OLFM2: variants seen among roughly 807,000 people sequenced by gnomAD.
OLFM2 encodes the protein noelin-2.
A neutral mutation model predicts 43.9 loss-of-function variants in OLFM2; 20 were observed. The ratio of observed to expected loss-of-function variants is 0.46; its 90% CI spans 0.32 to 0.66. OLFM2 has a LOEUF of 0.66. Ranked by LOEUF, OLFM2 falls within the 30% of genes least tolerant of loss-of-function variation. OLFM2 has a pLI of 0.04. For missense variants in OLFM2, 416 were observed against 643.6 expected (o/e 0.65, Z 3.83); for synonymous variants, 268 against 278.6 (o/e 0.96, Z 0.38).
Position 9,854,007 on chromosome 19 carries a change from G to A in OLFM2, c.*179C>T, listed in dbSNP as rs992046009. On this transcript the variant is annotated 3_prime_UTR_variant, in exon 6 of 6. Coordinates refer to ENST00000264833, the MANE Select transcript of OLFM2 (RefSeq NM_058164.4). This position sits in a 1 kb window ranked among gnomAD's most constrained non-coding sequence, Gnocchi z 9.5. ...AAAAGCAGAGATCAATAAAGGAGAA[G>A]AGGGGAAATTGAAAAAATAGACAGA... 1.6e-6 allele frequency: 1 copy of A among 609,086 alleles called. No individual in the cohort carries two copies. Among genetic ancestry groups the A allele is most frequent in the Non-Finnish European group, 2.9e-6 (1 of 344,676 alleles). The allele number at this position is 609,086 out of a possible 1,614,324, so 37.7% of individuals were successfully genotyped here.
chr19:9,905,414 G>A (rs902414060), intron 1 of OLFM2, among the ~76,000 whole-genome samples: 3 of 151,878 alleles, frequency 2.0e-5, no homozygotes, highest in East Asian at 1.9e-4. Flanking sequence ...CCGAGATTGC[G>A]CCACTGCATT....
chr19:9,889,389 C>T (rs1056247562), intron 1 of OLFM2, among the ~76,000 whole-genome samples: 4 of 152,118 alleles, frequency 2.6e-5, no homozygotes, highest in Non-Finnish European at 5.9e-5. Context: ...GCTGGGACTA[C>T]AGGTGCATGC....
chr19:9,862,660 G>A (rs2046372649), intron 1 of OLFM2, among the ~76,000 whole-genome samples: 1 of 151,382 alleles, frequency 6.6e-6, no homozygotes, highest in Admixed American at 6.6e-5. Context: ...CAGCCTGGGT[G>A]ACAGAGTGAG....
chr19:9,933,907 G>C (rs1449419521), intron 1 of OLFM2, among the ~76,000 whole-genome samples: 1 of 152,134 alleles, frequency 6.6e-6, no homozygotes, highest in African/African-American at 2.4e-5. Context: ...TACTTGCATT[G>C]TATTATATGT....
In OLFM2 at chr19:9,936,342, G is replaced by A. The variant is rs996665466; in HGVS notation, c.25C>T (p.Pro9Ser). The change falls in exon 1 of 6, where the codon CCG becomes TCG. Residue 9 changes from proline (P) to serine (S), a missense_variant. By Grantham distance (74) the Pro-to-Ser change is moderately conservative. Coordinates refer to ENST00000264833, the MANE Select transcript of OLFM2 (RefSeq NM_058164.4). The part of the protein sequence containing the change: MWPLTVPP[P>S]LLLLLCSGLA... ...CCTGAGCACAGCAGCAGCAGCAGCG[G>A]CGGCGGGACCGTGAGCGGCCACATG... 6.6e-6 allele frequency: 10 copies of A among 1,504,854 alleles called. No homozygotes were observed. In the African/African-American group the frequency reaches 1.3e-4, roughly 20 times the overall value. The allele number at this position is 1,504,854 out of a possible 1,614,324, so 93.2% of individuals were successfully genotyped here. A position where few individuals can be genotyped will look rare whatever the true frequency, so the allele number is the denominator to read the frequency against.
At chr19:9,889,366 A>C (rs2046618535) in intron 1 of OLFM2, among the ~76,000 whole-genome samples, 1 of 152,086 alleles carries the variant, frequency 6.6e-6, no homozygotes, top group South Asian at 2.1e-4. Flanking sequence ...CTCCCACCTC[A>C]GCCTCCCAAG....
rs533097291 is a variant in OLFM2 at position 9,921,097 on chromosome 19, C to A, written c.63+15207G>T. ...ATGCAACAGACAGAATTATAATTTT[C>A]TTTTGTTTGTTTTGGGATTTTGTTG... On this transcript the variant is annotated intron_variant, in intron 1 of 5. Coordinates refer to ENST00000264833, the MANE Select transcript of OLFM2 (RefSeq NM_058164.4). 1.2e-4 allele frequency among the ~76,000 whole-genome samples: 19 copies of A among 152,144 alleles called. No homozygotes were observed. In the East Asian group the frequency reaches 3.3e-3, roughly 26 times the overall value.
chr19:9,914,666 C>CCCCGCTCCCGG (rs531420093), intron 1 of OLFM2, among the ~76,000 whole-genome samples: 2,540 of 152,124 alleles, frequency 0.017, 51 homozygotes, highest in African/African-American at 0.047. Context: ...GCCCCGGGGA[C>CCCCGCTCCCGG]CCCGCTCCCG....
At chr19:9,932,438 G>T in intron 1 of OLFM2, among the ~76,000 whole-genome samples, 1 of 142,894 alleles carries the variant, frequency 7.0e-6, no homozygotes. Context: ...CCAGGCAACA[G>T]AGTGAGACTC....
At position 9,856,658 on chromosome 19, in the gene OLFM2, A is replaced by T; in HGVS notation, c.687+149T>A. On this transcript the variant is annotated intron_variant, in intron 5 of 5. Transcript: ENST00000264833. The surrounding 1 kb of genome is among the most constrained non-coding windows in gnomAD (Gnocchi z 4.0). Reference sequence around the variant, plus strand: ...CAAAGCCCTTGGTCACTTGGGGGTTACTGGACAGGGAGGTCCAATGGCCCT... The same window carrying T: ...CAAAGCCCTTGGTCACTTGGGGGTTTCTGGACAGGGAGGTCCAATGGCCCT... 1 of 634,660 alleles carries T rather than the reference A, an allele frequency of 1.6e-6. No individual in the cohort carries two copies. Among genetic ancestry groups the T allele is most frequent in the Non-Finnish European group, 2.8e-6 (1 of 357,246 alleles). The allele number at this position is 634,660 out of a possible 1,614,324, so 39.3% of individuals were successfully genotyped here.
intron 1 of OLFM2, among the ~76,000 whole-genome samples, chr19:9,871,851 A>G (rs963970606): frequency 6.6e-6 from 1 of 152,178 alleles, no homozygotes; most frequent in African/African-American, 2.4e-5. Context: ...AACCTGGCAC[A>G]AGGTATGTTT....
In OLFM2 at chr19:9,913,709, CG is replaced by C. The variant is rs958020831; in HGVS notation, c.63+22594del. ...TCGGTCCCTCGACACCCAGGCGCCC[CG>C]GGGGGGCGTGGGGGAGGGGGCACGA... is the stretch of plus-strand genomic sequence containing the variant. On this transcript the variant is annotated intron_variant, in intron 1 of 5. Coordinates refer to ENST00000264833, the MANE Select transcript of OLFM2 (RefSeq NM_058164.4). 6.7e-3 allele frequency: 6,905 copies of C among 1,030,362 alleles called. 87 individuals are homozygous for C. Among genetic ancestry groups the C allele is most frequent in the African/African-American group, 0.048 (2,723 of 56,804 alleles). The allele number at this position is 1,030,362 out of a possible 1,614,324, so 63.8% of individuals were successfully genotyped here. A position where few individuals can be genotyped will look rare whatever the true frequency, so the allele number is the denominator to read the frequency against.
intron 1 of OLFM2, among the ~76,000 whole-genome samples, chr19:9,885,867 G>T (rs1472687099): frequency 1.3e-5 from 2 of 152,248 alleles, no homozygotes; most frequent in African/African-American, 2.4e-5. Flanking sequence ...GGAGGCCGAG[G>T]CAGGAGGATC....
intron 1 of OLFM2, among the ~76,000 whole-genome samples, chr19:9,865,832 A>C (rs1043840988): frequency 2.0e-5 from 3 of 149,576 alleles, no homozygotes; most frequent in East Asian, 1.9e-4. Context: ...AAAAAAAAAA[A>C]AAACAAAGAA....
At chr19:9,882,516 CGACAGAGTGA>C (rs572762896) in intron 1 of OLFM2, among the ~76,000 whole-genome samples, 50 of 149,306 alleles carry the variant, frequency 3.3e-4, no homozygotes, top group African/African-American at 1.1e-3. Context: ...CCAGCCTGGG[CGACAGAGTGA>C]GACTCCGTCT....
chr19:9,899,912 T>C (rs946724326), intron 1 of OLFM2, among the ~76,000 whole-genome samples: 2 of 151,168 alleles, frequency 1.3e-5, no homozygotes, highest in African/African-American at 4.9e-5. Flanking sequence ...CAGATGATAA[T>C]TTCTTGTTTA....
chr19:9,865,492 T>C (rs1460784631), intron 1 of OLFM2, among the ~76,000 whole-genome samples: 26 of 129,728 alleles, frequency 2.0e-4, no homozygotes, highest in Admixed American at 3.8e-4. Flanking sequence ...TTTCTTTTTT[T>C]TTTTTTTTTT....
chr19:9,900,824 G>C (rs1212884131), intron 1 of OLFM2, among the ~76,000 whole-genome samples: 2 of 150,142 alleles, frequency 1.3e-5, no homozygotes, highest in African/African-American at 4.9e-5. Flanking sequence ...CCAGGAGGTT[G>C]AGGCTGCAGT....
Position 9,857,577 on chromosome 19 carries a change from T to C in OLFM2, c.361-95A>G. 2 of 1,558,444 alleles carry C rather than the reference T, an allele frequency of 1.3e-6. No individual in the cohort carries two copies. The highest frequency in any genetic ancestry group is 1.8e-6 in the Non-Finnish European group (2 of 1,137,622). ...TGACTCATAACTTCACCCTTTGTCT[T>C]TGATGCACACCTGGCCCTTGACATG... is the stretch of plus-strand genomic sequence containing the variant. On this transcript the variant is annotated intron_variant, in intron 3 of 5. Transcript: ENST00000264833. This position sits in a 1 kb window ranked among gnomAD's most constrained non-coding sequence, Gnocchi z 5.7.
Sources: allele counts gnomAD v4.1 joint callset (sites outside exome capture counted in the v4.1 genomes callset), GRCh38; gene constraint gnomAD v4.1.1; non-coding constraint Gnocchi (gnomAD v3.1); transcripts MANE v1.5; gene names NCBI Gene and HGNC (gene_info 2026-07-23, HGNC 2026-07-21).